Variants in RIMS2 observed in about 807,000 individuals in gnomAD.
The protein encoded by RIMS2 is regulating synaptic membrane exocytosis protein 2.
Under a neutral mutation model 174.4 loss-of-function variants are expected in RIMS2, and 59 were observed. The ratio of observed to expected loss-of-function variants is 0.34; its 90% CI spans 0.27 to 0.42. The LOEUF (loss-of-function observed/expected upper bound fraction) is 0.42. Ranked by LOEUF, RIMS2 falls within the 10% of genes least tolerant of loss-of-function variation. RIMS2 has a pLI of 1.00. For synonymous variants in RIMS2, 606 were observed against 572.5 expected (o/e 1.06, Z -0.84); for missense variants, 1,620 against 1,666.3 (o/e 0.97, Z 0.48).
At chr8:103,959,931 A>T (rs931097978) in intron 14 of RIMS2, among the ~76,000 whole-genome samples, 1 of 152,162 alleles carries the variant, frequency 6.6e-6, no homozygotes, top group African/African-American at 2.4e-5. Context: ...CCCTAACATC[A>T]CAATTAAAAG....
At position 103,746,539 on chromosome 8, in the gene RIMS2, A is replaced by G. The variant is rs1448919395; in HGVS notation, c.388-19688A>G. On this transcript the variant is annotated intron_variant, in intron 2 of 23. Transcript: ENST00000504942. ...GTCAGGGGGGTTCATTGTGCAGATT[A>G]TTTCATCACTCAGGTATTAAGCCTA... 2.0e-5 allele frequency among the ~76,000 whole-genome samples: 3 copies of G among 152,038 alleles called. No individual in the cohort carries two copies. The East Asian group carries it at 5.8e-4, about 29-fold the overall frequency.
Position 103,759,577 on chromosome 8 carries a change from A to AG in RIMS2, c.388-6650_388-6649insG, listed in dbSNP as rs1254168853. Among the ~76,000 whole-genome samples, 377 of 151,370 alleles carry AG rather than the reference A, an allele frequency of 2.5e-3. 6 individuals are homozygous for AG. The highest frequency in any genetic ancestry group is 8.9e-3 in the African/African-American group (368 of 41,252). On this transcript the variant is annotated intron_variant, in intron 2 of 23. Coordinates refer to ENST00000504942, the Ensembl canonical transcript of RIMS2. ...GAGACTCCGTCTCAAAAAAAAAAAA[A>AG]AAAAAAAAAAAGAAAAGAAAAAAGA...
chr8:104,011,117 G>T (rs1390253750), intron 17 of RIMS2, among the ~76,000 whole-genome samples: 2 of 151,976 alleles, frequency 1.3e-5, no homozygotes, highest in African/African-American at 4.8e-5. Flanking sequence ...TGTAATTTAG[G>T]CATTGCTGCT....
intron 3 of RIMS2, among the ~76,000 whole-genome samples, chr8:103,777,388 A>G (rs79295289): frequency 0.01 from 1,526 of 151,940 alleles, 19 homozygotes; most frequent in South Asian, 0.05. Context: ...TTTCCAAAAC[A>G]TTTTCACTGG....
In RIMS2 at chr8:104,197,342, A is replaced by AT. The variant is rs573475115; in HGVS notation, c.3335-47568dup. 4.5e-3 allele frequency among the ~76,000 whole-genome samples: 676 copies of AT among 151,826 alleles called. 17 individuals are homozygous for AT. The highest frequency in any genetic ancestry group is 0.038 in the Admixed American group (572 of 15,252). ...AGGTGCCCACCACCACACCTGGCTA[A>AT]TTTTTTGTATTTTTAGTAGAGATGG... On this transcript the variant is annotated intron_variant, in intron 19 of 23. Coordinates refer to ENST00000504942, the Ensembl canonical transcript of RIMS2.
chr8:103,592,758 A>T (rs1279482095), intron 1 of RIMS2, among the ~76,000 whole-genome samples: 1 of 151,454 alleles, frequency 6.6e-6, no homozygotes, highest in Non-Finnish European at 1.5e-5. Flanking sequence ...TTTTTTTAGT[A>T]CACATTTTTC....
intron 19 of RIMS2, among the ~76,000 whole-genome samples, chr8:104,070,021 G>T (rs533768813): frequency 3.3e-5 from 5 of 152,272 alleles, no homozygotes; most frequent in African/African-American, 1.2e-4. Context: ...TTTTTTGAAA[G>T]TTAGGCCTGT....
At chr8:103,506,179 T>C (rs1352910241) in intron 1 of RIMS2, among the ~76,000 whole-genome samples, 1 of 152,014 alleles carries the variant, frequency 6.6e-6, no homozygotes, top group Middle Eastern at 3.2e-3. Flanking sequence ...TTCTAAAAAA[T>C]TGATTGACAT....
At chr8:104,018,822 A>C (rs773779116) in intron 19 of RIMS2, among the ~76,000 whole-genome samples, 6 of 152,204 alleles carry the variant, frequency 3.9e-5, no homozygotes, top group Non-Finnish European at 8.8e-5. Flanking sequence ...AAGCAATTAC[A>C]GGCTTCTCTT....
chr8:103,780,194 A>C (rs2154432890), intron 3 of RIMS2, among the ~76,000 whole-genome samples: 1 of 152,046 alleles, frequency 6.6e-6, no homozygotes, highest in South Asian at 2.1e-4. Flanking sequence ...TTTACCTTTG[A>C]GGATTTGATT....
chr8:103,910,507 A>T, intron 5 of RIMS2: 1 of 1,594,940 alleles, frequency 6.3e-7, no homozygotes, highest in South Asian at 1.1e-5. Flanking sequence ...ACCCTTAACG[A>T]GGAGCATAGC....
At position 104,138,600 on chromosome 8, in the gene RIMS2, C is replaced by T. The variant is rs112355416; in HGVS notation, c.3335-106316C>T. On this transcript the variant is annotated intron_variant, in intron 19 of 23. Coordinates refer to ENST00000504942, the Ensembl canonical transcript of RIMS2. ...TTGATAAATTTCTATTTAGATCTTTCGCCCATTTAAAAATTGGATTATTAC... is the reference window on the plus strand; with the variant it reads ...TTGATAAATTTCTATTTAGATCTTTTGCCCATTTAAAAATTGGATTATTAC... Among the ~76,000 whole-genome samples, 601 of 152,182 alleles carry T rather than the reference C, an allele frequency of 3.9e-3. 4 individuals are homozygous for T. Among genetic ancestry groups the T allele is most frequent in the African/African-American group, 0.013 (550 of 41,540 alleles).
At chr8:103,845,993 A>G (rs1356882449) in intron 3 of RIMS2, among the ~76,000 whole-genome samples, 6 of 152,154 alleles carry the variant, frequency 3.9e-5, no homozygotes, top group Admixed American at 3.9e-4. Flanking sequence ...CTTGTTTTCA[A>G]ACAAACCATT....
chr8:104,029,622 T>A (rs187257637), intron 19 of RIMS2, among the ~76,000 whole-genome samples: 2 of 152,310 alleles, frequency 1.3e-5, no homozygotes, highest in East Asian at 3.9e-4. Context: ...AAGGTTTATT[T>A]TTTCCTCCAC....
At chr8:103,757,151 C>T (rs2098031071) in intron 2 of RIMS2, among the ~76,000 whole-genome samples, 1 of 152,072 alleles carries the variant, frequency 6.6e-6, no homozygotes, top group African/African-American at 2.4e-5. Flanking sequence ...AAAAGGAATG[C>T]TCTTACCTTT....
intron 1 of RIMS2, among the ~76,000 whole-genome samples, chr8:103,573,609 T>C (rs2092998105): frequency 6.6e-6 from 1 of 152,186 alleles, no homozygotes; most frequent in South Asian, 2.1e-4. Flanking sequence ...GTTTTGGTTA[T>C]TATAGCCCTG....
At chr8:103,652,370 T>G (rs1310590969) in intron 1 of RIMS2, 133 bp downstream of exon 2, 3 of 520,306 alleles carry the variant, frequency 5.8e-6, no homozygotes, top group Non-Finnish European at 1.0e-5. Flanking sequence ...CTCTCTGGCT[T>G]GTAAGAGAGC....
intron 3 of RIMS2, among the ~76,000 whole-genome samples, chr8:103,792,977 A>G (rs2154444835): frequency 6.6e-6 from 1 of 152,322 alleles, no homozygotes; most frequent in Admixed American, 6.5e-5. Flanking sequence ...GACCAGATGG[A>G]TTCACAGCCG....
chr8:104,213,255 G>A (rs1382704196), intron 19 of RIMS2, among the ~76,000 whole-genome samples: 1 of 152,066 alleles, frequency 6.6e-6, no homozygotes, highest in African/African-American at 2.4e-5. Context: ...AGGTTGCAGT[G>A]AGCCGAGATC....
Sources: gnomAD v4.1 joint callset for allele counts (sites outside exome capture counted in the v4.1 genomes callset) on GRCh38, gnomAD v4.1.1 for gene constraint, MANE v1.5 for transcripts, NCBI Gene and HGNC (gene_info 2026-07-23, HGNC 2026-07-21) for gene names.